OLFM2: variants seen among roughly 807,000 people sequenced by gnomAD.
OLFM2 encodes noelin-2.
In OLFM2, 20 loss-of-function variants were observed where a neutral mutation model predicts 43.9. That is an observed-to-expected ratio of 0.46 (90% CI 0.32 to 0.66). The LOEUF (loss-of-function observed/expected upper bound fraction) is 0.66, where lower values mean the gene tolerates loss of function less well. OLFM2 is among the 30% of genes least tolerant of loss of function. OLFM2 has a pLI of 0.04. For missense variants in OLFM2, 416 were observed against 643.6 expected (o/e 0.65, Z 3.83); for synonymous variants, 268 against 278.6 (o/e 0.96, Z 0.38).
Position 9,860,477 on chromosome 19 carries a change from G to GA in OLFM2, c.213+167dup, listed in dbSNP as rs34449861. ...ACAGAGTGAGACCCTGTGTTAAAAG[G>GA]AAAAAAAAAAAAAAAGGACCTGCCT... On this transcript the variant is annotated intron_variant, in intron 2 of 5. Transcript: ENST00000264833. Among the ~76,000 whole-genome samples, 90,373 of 137,904 alleles carry GA rather than the reference G, an allele frequency of 0.66. 29,262 individuals carry two copies. The highest frequency in any genetic ancestry group is 0.69 in the Admixed American group (9,531 of 13,878). 90.5% of individuals were successfully genotyped at this position (137,904 alleles called of 152,430 possible). A position where few individuals can be genotyped will look rare whatever the true frequency, so the allele number is the denominator to read the frequency against.
rs1447146328 is a variant in OLFM2 at position 9,915,495 on chromosome 19, T to TA, written c.63+20808_63+20809insT. 8.1e-4 allele frequency among the ~76,000 whole-genome samples: 46 copies of TA among 57,066 alleles called. No individual in the cohort carries two copies. In the South Asian group the frequency reaches 0.01, roughly 13 times the overall value. The allele number at this position is 57,066 out of a possible 152,430, so 37.4% of individuals were successfully genotyped here. ...AACAGAGTGATTGGAGAAAGGGACT[T>TA]TTTTATTTATTTATTTATTTATTTA... On this transcript the variant is annotated intron_variant, in intron 1 of 5. Transcript: ENST00000264833.
intron 1 of OLFM2, among the ~76,000 whole-genome samples, chr19:9,893,455 G>A (rs1336192829): frequency 1.3e-5 from 2 of 152,070 alleles, no homozygotes; most frequent in Admixed American, 1.3e-4. Context: ...GTGAGCCACC[G>A]CACCCGGCCA....
At chr19:9,902,769 G>A (rs576687949) in intron 1 of OLFM2, among the ~76,000 whole-genome samples, 3 of 152,202 alleles carry the variant, frequency 2.0e-5, no homozygotes, top group South Asian at 4.1e-4. Context: ...GTGCTGGTGC[G>A]ATCATAGCTC....
rs561075465 is a variant in OLFM2 at position 9,870,369 on chromosome 19, G to T, written c.64-9575C>A. 4.7e-4 allele frequency among the ~76,000 whole-genome samples: 72 copies of T among 152,306 alleles called. 1 individual carries two copies. Among genetic ancestry groups the T allele is most frequent in the Non-Finnish European group, 1.5e-4 (10 of 68,020 alleles). ...TGAGGCTGTGGGATCATGAGGCAAA[G>T]AAAGTCCAACGAGGGAGAGAGGAGA... On this transcript the variant is annotated intron_variant, in intron 1 of 5. Transcript: ENST00000264833.
Position 9,856,893 on chromosome 19 carries a change from C to A in OLFM2, c.601G>T (p.Val201Phe), listed in dbSNP as rs923519961. ...GCCCGAACGGTGATGGGGTTACTGA[C>A]CCCGGTCAGCTTCCCACAGCCTGGG... ...QKLGCGKLTG[V>F]SNPITVRAMG... is the part of the protein sequence containing the mutation. Residue 201 changes from valine to phenylalanine, a missense_variant, in exon 5 of 6, where the codon GTC becomes TTC. Physicochemically the swap from Val to Phe is conservative, Grantham distance 50. Coordinates refer to ENST00000264833, the MANE Select transcript of OLFM2 (RefSeq NM_058164.4). The surrounding 1 kb of genome is among the most constrained non-coding windows in gnomAD (Gnocchi z 4.0). The A allele has an allele frequency of 1.2e-6, 2 of 1,610,808 alleles. No individual in the cohort carries two copies. The highest frequency in any genetic ancestry group is 3.4e-5 in the Admixed American group (2 of 59,582).
chr19:9,919,895 AG>A (rs2086409323), intron 1 of OLFM2, among the ~76,000 whole-genome samples: 1 of 149,856 alleles, frequency 6.7e-6, no homozygotes, highest in Admixed American at 6.7e-5. Flanking sequence ...CCAGGGTTCA[AG>A]TGATTCTCGT....
In OLFM2 at chr19:9,857,548, C is replaced by T. The variant is rs2046331657; in HGVS notation, c.361-66G>A. The T allele has an allele frequency of 1.3e-6, 2 of 1,576,574 alleles. No homozygotes were observed. Among genetic ancestry groups the T allele is most frequent in the Non-Finnish European group, 1.7e-6 (2 of 1,153,046 alleles). On this transcript the variant is annotated intron_variant, in intron 3 of 5. Coordinates refer to ENST00000264833, the MANE Select transcript of OLFM2 (RefSeq NM_058164.4). The surrounding 1 kb of genome is among the most constrained non-coding windows in gnomAD (Gnocchi z 5.7). The stretch of plus-strand genomic sequence containing the variant: ...GCCTTTGACCCAGACATGACTCCAA[C>T]CTCTGACTCATAACTTCACCCTTTG...
intron 1 of OLFM2, among the ~76,000 whole-genome samples, chr19:9,903,159 G>A (rs1302029345): frequency 6.6e-6 from 1 of 152,148 alleles, no homozygotes; most frequent in Non-Finnish European, 1.5e-5. Context: ...CTCTCAAAGC[G>A]CTGAGATAAT....
chr19:9,899,745 G>A (rs2046714910), intron 1 of OLFM2, among the ~76,000 whole-genome samples: 1 of 151,660 alleles, frequency 6.6e-6, no homozygotes, highest in African/African-American at 2.4e-5. Context: ...TAGAGATAGG[G>A]TTTCACTATG....
At chr19:9,890,863 A>G (rs1446397473) in intron 1 of OLFM2, among the ~76,000 whole-genome samples, 3 of 152,164 alleles carry the variant, frequency 2.0e-5, no homozygotes. Flanking sequence ...CTGAGGCAGG[A>G]GGATTGTTTA....
At chr19:9,871,067 C>T (rs186395676) in intron 1 of OLFM2, among the ~76,000 whole-genome samples, 1 of 151,814 alleles carries the variant, frequency 6.6e-6, no homozygotes, top group South Asian at 2.1e-4. Flanking sequence ...GTCAGGAGTT[C>T]GAGACCAGCC....
intron 1 of OLFM2, among the ~76,000 whole-genome samples, chr19:9,932,776 G>A (rs2086491259): frequency 6.6e-6 from 1 of 152,134 alleles, no homozygotes; most frequent in African/African-American, 2.4e-5. Flanking sequence ...GGAGGCCTTC[G>A]CAGGGATCAG....
At chr19:9,872,708 A>T (rs575531193) in intron 1 of OLFM2, among the ~76,000 whole-genome samples, 1 of 151,738 alleles carries the variant, frequency 6.6e-6, no homozygotes, top group African/African-American at 2.4e-5. Context: ...CCACCCATTC[A>T]TCCATCTATC....
At chr19:9,895,120 C>T (rs1443985082) in intron 1 of OLFM2, among the ~76,000 whole-genome samples, 1 of 152,166 alleles carries the variant, frequency 6.6e-6, no homozygotes, top group Non-Finnish European at 1.5e-5. Context: ...GATGTTAACT[C>T]CTAGATAGCT....
rs140197070 is a variant in OLFM2, at chr19:9,902,906, G to C, written c.63+33398C>G. Among the ~76,000 whole-genome samples, 44 of 149,170 alleles carry C rather than the reference G, an allele frequency of 2.9e-4. 1 individual carries two copies. The East Asian group carries it at 8.8e-3, about 30-fold the overall frequency. On this transcript the variant is annotated intron_variant, in intron 1 of 5. Transcript: ENST00000264833. ...TTGCCCAGACTGGTCTTGAACTCCTGAGCTCAAGTGATCCTCCTGCCTTGG... is the reference window on the plus strand; with the variant it reads ...TTGCCCAGACTGGTCTTGAACTCCTCAGCTCAAGTGATCCTCCTGCCTTGG...
At chr19:9,899,449 C>T (rs954141401) in intron 1 of OLFM2, among the ~76,000 whole-genome samples, 1 of 152,072 alleles carries the variant, frequency 6.6e-6, no homozygotes. Context: ...TCATGATGCC[C>T]GTCTCCCTGG....
At chr19:9,858,921 G>A (rs1214607584) in intron 2 of OLFM2, among the ~76,000 whole-genome samples, 1 of 151,506 alleles carries the variant, frequency 6.6e-6, no homozygotes, top group Non-Finnish European at 1.5e-5. Context: ...TGGCTAAGAT[G>A]AACACCTGGC....
Position 9,928,956 on chromosome 19 carries a change from C to T in OLFM2, c.63+7348G>A, listed in dbSNP as rs144316622. ...GCAAGACACACTGAGGTGGTGTGCA[C>T]CTGTAATCCCAACTACTTGGGAGGC... On this transcript the variant is annotated intron_variant, in intron 1 of 5. Transcript: ENST00000264833. Among the ~76,000 whole-genome samples the T allele has an allele frequency of 6.4e-4, 98 of 152,172 alleles. 2 individuals carry two copies. The East Asian group carries it at 0.017, about 26-fold the overall frequency.
chr19:9,892,017 G>T (rs1023519348), intron 1 of OLFM2, among the ~76,000 whole-genome samples: 1 of 152,150 alleles, frequency 6.6e-6, no homozygotes, highest in Admixed American at 6.6e-5. Flanking sequence ...CATGACCCTG[G>T]AGTCGGGCAC....
Sources: gnomAD v4.1 joint callset for allele counts (sites outside exome capture counted in the v4.1 genomes callset) on GRCh38, gnomAD v4.1.1 for gene constraint, Gnocchi (gnomAD v3.1) non-coding constraint, MANE v1.5 for transcripts, NCBI Gene and HGNC (gene_info 2026-07-23, HGNC 2026-07-21) for gene names.